DCHS2: variants seen among roughly 807,000 people sequenced by gnomAD.
The protein encoded by DCHS2 is protocadherin-23.
Under a neutral mutation model 182.4 loss-of-function variants are expected in DCHS2, and 142 were observed. That is an observed-to-expected ratio of 0.78 (90% CI 0.68 to 0.89). The LOEUF is 0.89. DCHS2 is among the 40% of genes least tolerant of loss of function. The probability of loss-of-function intolerance (pLI) is 0.00; values close to 1 mark genes in which losing one functional copy is unlikely to be tolerated. For synonymous variants in DCHS2, 1,740 were observed against 1,663.3 expected, an observed-to-expected ratio of 1.05 and a Z score of -1.12; for missense variants, 4,319 against 4,198.6, an observed-to-expected ratio of 1.03 and a Z score of -0.79.
chr4:154,448,074 C>T (rs2110970405), intron 1 of DCHS2, among the ~76,000 whole-genome samples: 1 of 152,284 alleles, frequency 6.6e-6, no homozygotes, highest in East Asian at 1.9e-4. Context: ...GCACTCAGTT[C>T]CTTGCCTTGT....
intron 10 of DCHS2, among the ~76,000 whole-genome samples, chr4:154,311,559 C>T (rs1024923341): frequency 1.3e-5 from 2 of 151,928 alleles, no homozygotes; most frequent in Admixed American, 6.6e-5. Flanking sequence ...TATAATGCCT[C>T]GACTGTACAA....
intron 1 of DCHS2, among the ~76,000 whole-genome samples, chr4:154,485,660 C>A (rs560045441): frequency 3.3e-5 from 5 of 152,270 alleles, no homozygotes; most frequent in African/African-American, 1.2e-4. Context: ...TTGTTGAATT[C>A]AATCAATGTT....
At chr4:154,308,405 A>G (rs1397415680) in intron 10 of DCHS2, among the ~76,000 whole-genome samples, 2 of 152,192 alleles carry the variant, frequency 1.3e-5, no homozygotes, top group Non-Finnish European at 2.9e-5. Context: ...TGCATTGACA[A>G]TCAATGTGCT....
chr4:154,323,849 T>C (rs1736176044), intron 7 of DCHS2, among the ~76,000 whole-genome samples: 2 of 147,438 alleles, frequency 1.4e-5, no homozygotes, highest in Non-Finnish European at 1.5e-5. Context: ...TATGCAAATA[T>C]CCCTCCCCCC....
At chr4:154,351,922 G>A (rs1729635565) in intron 3 of DCHS2, among the ~76,000 whole-genome samples, 3 of 152,076 alleles carry the variant, frequency 2.0e-5, no homozygotes, top group African/African-American at 7.2e-5. Flanking sequence ...CCCTATGAAG[G>A]CACTGATTGC....
chr4:154,447,143 C>A (rs1240355946), intron 1 of DCHS2, among the ~76,000 whole-genome samples: 1 of 151,900 alleles, frequency 6.6e-6, no homozygotes, highest in Non-Finnish European at 1.5e-5. Flanking sequence ...AATACAAAAA[C>A]TAGCCGGACA....
chr4:154,329,646 T>C lies in DCHS2; in HGVS notation c.3795A>G (p.Leu1265=). 6.2e-7 allele frequency: 1 copy of C among 1,612,486 alleles called. No homozygotes were observed. Among genetic ancestry groups the C allele is most frequent in the African/African-American group, 1.3e-5 (1 of 74,990 alleles). ...GTGGTGGGGAGCCGCGGTCTGTCAC[T>C]AGCACAGTCATCTCATGGTGCCCCC... is the stretch of plus-strand genomic sequence containing the variant. ...EHRGHHEMTV[L]VTDRGSPPRN... The change falls in exon 6 of 20, where the codon CTA becomes CTG. Residue 1265 remains leucine (L), a synonymous_variant. Transcript: ENST00000357232.
chr4:154,393,223 A>C (rs1310907187), intron 1 of DCHS2, among the ~76,000 whole-genome samples: 1 of 152,194 alleles, frequency 6.6e-6, no homozygotes, highest in African/African-American at 2.4e-5. Context: ...AGACCAACAG[A>C]TAACTCTAAA....
rs536079015 is a variant in DCHS2, at chr4:154,312,946, C to T, written c.5260+2802G>A. Among the ~76,000 whole-genome samples the T allele has an allele frequency of 3.3e-5, 5 of 152,268 alleles. No homozygotes were observed. The South Asian group carries it at 1.0e-3, about 32-fold the overall frequency. ...AGATTTGATGAAATAAGGTGTTTCT[C>T]CCTGGCTCCAAGTGTAGACTTAGGC... On this transcript the variant is annotated intron_variant, in intron 10 of 19. Coordinates refer to ENST00000357232, the MANE Select transcript of DCHS2 (RefSeq NM_001358235.2).
At chr4:154,298,757 C>A (rs555811775) in intron 12 of DCHS2, 49 bp from the exon 13 acceptor site, 4 of 1,511,276 alleles carry the variant, frequency 2.6e-6, no homozygotes, top group East Asian at 4.5e-5. Flanking sequence ...AAAGTAGCAG[C>A]TCTTTGCTAG....
chr4:154,325,726 G>A (rs1328284889), intron 7 of DCHS2, among the ~76,000 whole-genome samples: 1 of 152,108 alleles, frequency 6.6e-6, no homozygotes, highest in Non-Finnish European at 1.5e-5. Context: ...CAAGTGTCCT[G>A]AGAACTTGGG....
At chr4:154,375,794 A>C (rs189949518) in intron 2 of DCHS2, among the ~76,000 whole-genome samples, 1 of 152,306 alleles carries the variant, frequency 6.6e-6, no homozygotes, top group East Asian at 1.9e-4. Context: ...CCATATTGCA[A>C]GTATAAGAAT....
intron 3 of DCHS2, chr4:154,352,590 C>T (rs1729671685): frequency 6.6e-6 from 1 of 152,104 alleles, no homozygotes; most frequent in Admixed American, 6.5e-5. Flanking sequence ...TCTTACAGAC[C>T]GTCACTGAAA....
At chr4:154,405,821 G>A (rs1732377274) in intron 1 of DCHS2, among the ~76,000 whole-genome samples, 2 of 152,160 alleles carry the variant, frequency 1.3e-5, no homozygotes, top group African/African-American at 4.8e-5. Context: ...TTGATGTTGG[G>A]TCACACAGTT....
chr4:154,323,818 C>T (rs1348085116), intron 7 of DCHS2, among the ~76,000 whole-genome samples: 1 of 151,740 alleles, frequency 6.6e-6, no homozygotes, highest in East Asian at 1.9e-4. Flanking sequence ...GGGTCTCATC[C>T]CCAAGATATC....
chr4:154,288,946 T>C (rs1269215544), intron 13 of DCHS2, among the ~76,000 whole-genome samples: 1 of 152,074 alleles, frequency 6.6e-6, no homozygotes, highest in Non-Finnish European at 1.5e-5. Flanking sequence ...GTAAAGTTTA[T>C]AGCTGTAAGT....
rs548755971 is a variant in DCHS2 at position 154,426,264 on chromosome 4, T to A, written c.2053-48820A>T. Among the ~76,000 whole-genome samples the A allele has an allele frequency of 1.8e-3, 267 of 152,330 alleles. 1 individual carries two copies. The highest frequency in any genetic ancestry group is 0.012 in the South Asian group (58 of 4,830). On this transcript the variant is annotated intron_variant, in intron 1 of 19. Coordinates refer to ENST00000357232, the MANE Select transcript of DCHS2 (RefSeq NM_001358235.2). Reference sequence around the variant, plus strand: ...GCATCTAAAAATACACTGATATATCTCATGTCTTCTTCAATTAGTTTTTAG... The same window carrying A: ...GCATCTAAAAATACACTGATATATCACATGTCTTCTTCAATTAGTTTTTAG...
At chr4:154,399,461 C>T (rs772335883) in intron 1 of DCHS2, among the ~76,000 whole-genome samples, 11 of 152,172 alleles carry the variant, frequency 7.2e-5, no homozygotes, top group Non-Finnish European at 1.5e-4. Flanking sequence ...ACCCCAACAA[C>T]GATGTGTTGA....
At chr4:154,428,655 C>G (rs769923459) in intron 1 of DCHS2, among the ~76,000 whole-genome samples, 1 of 152,104 alleles carries the variant, frequency 6.6e-6, no homozygotes, top group Non-Finnish European at 1.5e-5. Flanking sequence ...AATCCTAGCA[C>G]TTTGGAAGGG....
Sources: allele counts gnomAD v4.1 joint callset (sites outside exome capture counted in the v4.1 genomes callset), GRCh38; gene constraint gnomAD v4.1.1; transcripts MANE v1.5; gene names NCBI Gene and HGNC (gene_info 2026-07-23, HGNC 2026-07-21).